Variants in RASSF3 observed in about 807,000 individuals in gnomAD.
RASSF3 encodes ras association domain-containing protein 3.
Under a neutral mutation model 19.9 loss-of-function variants are expected in RASSF3, and 19 were observed. The ratio of observed to expected loss-of-function variants is 0.96; its 90% CI spans 0.67 to 1.40. The LOEUF is 1.40. RASSF3 is among the 40% of genes most tolerant of loss of function. RASSF3 has a pLI of 0.00. For missense variants in RASSF3, 306 were observed against 289.8 expected (o/e 1.06, Z -0.41); for synonymous variants, 110 against 104.2 (o/e 1.06, Z -0.34).
chr12:64,528,597 C>T (rs1171872551), upstream of RASSF3, among the ~76,000 whole-genome samples: 1 of 152,186 alleles, frequency 6.6e-6, no homozygotes, highest in African/African-American at 2.4e-5. Context: ...GTTAGCCTGA[C>T]ATTAGGAAAC....
chr12:64,625,855 A>C (rs1870971014), intron 1 of RASSF3, among the ~76,000 whole-genome samples: 1 of 152,174 alleles, frequency 6.6e-6, no homozygotes, highest in African/African-American at 2.4e-5. Context: ...TGCAGGCATT[A>C]AAGCTCAATG....
At chr12:64,509,571 C>CT (rs1198562155) in intron 1 of RASSF3, among the ~76,000 whole-genome samples, 1 of 152,204 alleles carries the variant, frequency 6.6e-6, no homozygotes, top group Non-Finnish European at 1.5e-5. Flanking sequence ...GTCTGCTGCT[C>CT]TTTTTATCAC....
chr12:64,694,948 C>T lies in RASSF3; in HGVS notation c.*36C>T. 1 of 1,604,380 alleles carries T rather than the reference C, an allele frequency of 6.2e-7. No homozygotes were observed. The highest frequency in any genetic ancestry group is 8.5e-7 in the Non-Finnish European group (1 of 1,174,924). ...CCTGCCCGTGAGGCCCGGTGCAGGA[C>T]CGATGTACAAAACAGCAGCAAGTGC... On this transcript the variant is annotated 3_prime_UTR_variant, in exon 5 of 5. Coordinates refer to ENST00000542104, the MANE Select transcript of RASSF3 (RefSeq NM_178169.4).
chr12:64,543,687 C>T (rs1029114060), downstream of RASSF3, among the ~76,000 whole-genome samples: 2 of 151,230 alleles, frequency 1.3e-5, no homozygotes, highest in Non-Finnish European at 3.0e-5. Flanking sequence ...CCCTAGTGCG[C>T]GATCCACTGG....
chr12:64,567,658 T>C (rs1460399998), intron 2 of RASSF3, among the ~76,000 whole-genome samples: 1 of 152,248 alleles, frequency 6.6e-6, no homozygotes, highest in Non-Finnish European at 1.5e-5. Flanking sequence ...TGGGATTCCC[T>C]ACGACAGTTG....
intron 2 of RASSF3, among the ~76,000 whole-genome samples, chr12:64,687,453 T>G (rs770821484): frequency 9.2e-5 from 14 of 151,900 alleles, no homozygotes; most frequent in Non-Finnish European, 1.8e-4. Context: ...AATTTGTTTT[T>G]TTTTGTTTTG....
intron 2 of RASSF3, among the ~76,000 whole-genome samples, chr12:64,570,548 C>T (rs1347867612): frequency 6.6e-6 from 1 of 152,166 alleles, no homozygotes; most frequent in Non-Finnish European, 1.5e-5. Flanking sequence ...TTTTTTCATA[C>T]TAGCCTCCTT....
At chr12:64,569,528 G>C (rs995466807) in intron 2 of RASSF3, among the ~76,000 whole-genome samples, 21 of 152,188 alleles carry the variant, frequency 1.4e-4, no homozygotes, top group Admixed American at 4.6e-4. Flanking sequence ...ATCTCCCTTG[G>C]GGATGTTAGG....
In RASSF3 at chr12:64,688,378, C is replaced by T. The variant is rs759481901; in HGVS notation, c.382C>T (p.Leu128=). The T allele has an allele frequency of 3.1e-6, 5 of 1,614,102 alleles. No individual in the cohort carries two copies. The highest frequency in any genetic ancestry group is 1.3e-5 in the African/African-American group (1 of 74,940). The change falls in exon 3 of 5, where the codon CTG becomes TTG. Residue 128 remains leucine, a synonymous_variant. Transcript: ENST00000542104. The stretch of plus-strand genomic sequence containing the variant: ...CACTGTCGGGGAAGTGATCGAGGCC[C>T]TGCTCAAAAAGTTTCTCGTGACTGA... ...TNTVGEVIEA[L]LKKFLVTESP...
At chr12:64,652,805 G>T (rs1872008400) in intron 1 of RASSF3, among the ~76,000 whole-genome samples, 1 of 152,140 alleles carries the variant, frequency 6.6e-6, no homozygotes. Context: ...TATATGATTT[G>T]CAGTATAATT....
At chr12:64,581,647 G>A (rs1451516276) in intron 2 of RASSF3, among the ~76,000 whole-genome samples, 1 of 151,934 alleles carries the variant, frequency 6.6e-6, no homozygotes, top group Non-Finnish European at 1.5e-5. Context: ...TGAGCCTGGG[G>A]AAAAAGTAGT....
chr12:64,689,220 G>GGTGGGTGTGT (rs1555217047), intron 3 of RASSF3, among the ~76,000 whole-genome samples: 1 of 147,444 alleles, frequency 6.8e-6, no homozygotes, highest in Non-Finnish European at 1.5e-5. Flanking sequence ...TTGAAATCGG[G>GGTGGGTGTGT]GTGTGTGTGT....
Position 64,613,507 on chromosome 12 carries a change from T to C in RASSF3, c.111+2764T>C, listed in dbSNP as rs900638987. Reference sequence around the variant, plus strand: ...GGGTGGACTGGAAATTTCTTTCTTCTCTTGCCAGGCAAGGGAACATAGTGC... The same window carrying C: ...GGGTGGACTGGAAATTTCTTTCTTCCCTTGCCAGGCAAGGGAACATAGTGC... On this transcript the variant is annotated intron_variant, in intron 1 of 4. Coordinates refer to ENST00000542104, the MANE Select transcript of RASSF3 (RefSeq NM_178169.4). Among the ~76,000 whole-genome samples the C allele has an allele frequency of 1.1e-4, 16 of 152,260 alleles. No homozygotes were observed. The South Asian group carries it at 1.5e-3, about 14-fold the overall frequency.
chr12:64,523,164 G>C (rs890478297), intron 1 of RASSF3, among the ~76,000 whole-genome samples: 3 of 152,182 alleles, frequency 2.0e-5, no homozygotes, highest in Non-Finnish European at 4.4e-5. Context: ...CCAGCACTTT[G>C]GGAGACTGAG....
chr12:64,570,205 C>G (rs1869496633), intron 2 of RASSF3, among the ~76,000 whole-genome samples: 1 of 152,112 alleles, frequency 6.6e-6, no homozygotes. Context: ...CTTTTGAAAC[C>G]TGAACCCCAA....
Position 64,635,608 on chromosome 12 carries a change from A to C in RASSF3, c.111+24865A>C, listed in dbSNP as rs542365235. Among the ~76,000 whole-genome samples, 10 of 152,344 alleles carry C rather than the reference A, an allele frequency of 6.6e-5. No homozygotes were observed. The South Asian group carries it at 2.1e-3, about 32-fold the overall frequency. On this transcript the variant is annotated intron_variant, in intron 1 of 4. Coordinates refer to ENST00000542104, the MANE Select transcript of RASSF3 (RefSeq NM_178169.4). The stretch of plus-strand genomic sequence containing the variant: ...TGTGATGTGGTACAGTTATTAGAAG[A>C]GGCACAGAGAGGTTAAATAGTAGCT...
chr12:64,637,499 G>A (rs1439100774), intron 1 of RASSF3, among the ~76,000 whole-genome samples: 2 of 148,592 alleles, frequency 1.3e-5, no homozygotes, highest in South Asian at 2.1e-4. Context: ...GCGTGATCTC[G>A]GCTCACTGCA....
intron 2 of RASSF3, among the ~76,000 whole-genome samples, chr12:64,555,748 CAAA>C (rs10719297): frequency 2.8e-5 from 4 of 141,400 alleles, no homozygotes; most frequent in African/African-American, 2.7e-5. Flanking sequence ...GACTCTATCT[CAAA>C]AAAAAAAAAA....
chr12:64,603,170 T>TG (rs1189998206), intron 2 of RASSF3, among the ~76,000 whole-genome samples: 2 of 152,062 alleles, frequency 1.3e-5, no homozygotes, highest in Non-Finnish European at 2.9e-5. Context: ...TAACTTTTTT[T>TG]TTTGTTGTTG....
Sources: gnomAD v4.1 joint callset for allele counts (sites outside exome capture counted in the v4.1 genomes callset) on GRCh38, gnomAD v4.1.1 for gene constraint, MANE v1.5 for transcripts, NCBI Gene and HGNC (gene_info 2026-07-23, HGNC 2026-07-21) for gene names.